Variants in IKZF3 observed in about 807,000 individuals in gnomAD.
IKZF3 encodes zinc finger protein Aiolos.
IKZF3 carries 10 observed loss-of-function variants against 49.0 expected under a neutral mutation model. The observed-to-expected ratio is 0.20, with a 90% CI of 0.13 to 0.35. The LOEUF (loss-of-function observed/expected upper bound fraction) is 0.35. Among genes scored for constraint, IKZF3 ranks in the 10% least tolerant of loss-of-function variants. The pLI, the probability that IKZF3 is intolerant of heterozygous loss-of-function variation, is 1.00. For missense variants in IKZF3, 498 were observed against 664.8 expected, an observed-to-expected ratio of 0.75 and a Z score of 2.76; for synonymous variants, 209 against 228.2, an observed-to-expected ratio of 0.92 and a Z score of 0.76.
intron 3 of IKZF3, among the ~76,000 whole-genome samples, chr17:39,797,031 G>C (rs1407930380): frequency 1.3e-5 from 2 of 151,628 alleles, no homozygotes; most frequent in African/African-American, 2.4e-5. Flanking sequence ...CAGGCGTGGT[G>C]GTGTGCGCCT....
At chr17:39,853,851 A>C (rs9907498) in intron 1 of IKZF3, among the ~76,000 whole-genome samples, 3 of 149,544 alleles carry the variant, frequency 2.0e-5, no homozygotes, top group African/African-American at 7.4e-5. Context: ...AAAAAAAGGA[A>C]GAACACGGTG....
At position 39,858,873 on chromosome 17, in the gene IKZF3, C is replaced by A. The variant is rs528061309; in HGVS notation, c.7+5247G>T. Among the ~76,000 whole-genome samples, 3 of 152,004 alleles carry A rather than the reference C, an allele frequency of 2.0e-5. No homozygotes were observed. In the East Asian group the frequency reaches 5.8e-4, roughly 29 times the overall value. On this transcript the variant is annotated intron_variant, in intron 1 of 7. Coordinates refer to ENST00000346872, the MANE Select transcript of IKZF3 (RefSeq NM_012481.5). ...TGGAGTGCAGTGGCGTCATTACAGC[C>A]CACTGAAGCCTCAAACTCCCAGGTC...
At chr17:39,794,413 G>A (rs4239224) in intron 3 of IKZF3, among the ~76,000 whole-genome samples, 152,162 of 152,378 alleles carry the variant, frequency 1, 75,974 homozygotes, top group Middle Eastern at 1. Context: ...TCCTCTTGCT[G>A]CATAGGAGGA....
chr17:39,797,558 G>A (rs372904259), intron 3 of IKZF3, among the ~76,000 whole-genome samples: 12 of 151,962 alleles, frequency 7.9e-5, no homozygotes, highest in Admixed American at 3.3e-4. Context: ...GAGTAGCTGG[G>A]ACTATAGGCA....
chr17:39,815,601 A>C (rs1046670052), intron 3 of IKZF3, among the ~76,000 whole-genome samples: 1 of 152,202 alleles, frequency 6.6e-6, no homozygotes, highest in African/African-American at 2.4e-5. Flanking sequence ...TTTTAGATCC[A>C]AGTAGAAGGT....
At chr17:39,807,544 A>ATTTTTTTT (rs890371023) in intron 3 of IKZF3, among the ~76,000 whole-genome samples, 36 of 80,784 alleles carry the variant, frequency 4.5e-4, no homozygotes, top group South Asian at 1.2e-3. Context: ...GACTATTTAA[A>ATTTTTTTT]TTTTTTTTTT....
chr17:39,766,416 G>C lies in IKZF3; in HGVS notation c.904C>G (p.Arg302Gly). 1 of 1,614,070 alleles carries C rather than the reference G, an allele frequency of 6.2e-7. No homozygotes were observed. Among genetic ancestry groups the C allele is most frequent in the Non-Finnish European group, 8.5e-7 (1 of 1,179,992 alleles). Residue 302 changes from arginine (R) to glycine (G), a missense_variant, in exon 8 of 8, where the codon CGC becomes GGC. By Grantham distance (125) the Arg-to-Gly change is moderately radical. Transcript: ENST00000346872. ...TTATTGATGGCTTGGTCCATCATGC[G>C]GGTCTGTATGAGCTCACTCTCTTTC... ...YEKESELIQT[R>G]MMDQAINNAI...
Position 39,829,498 on chromosome 17 carries a change from A to G in IKZF3, c.62-10T>C. 1.3e-6 allele frequency: 2 copies of G among 1,591,664 alleles called. No homozygotes were observed. The highest frequency in any genetic ancestry group is 1.7e-6 in the Non-Finnish European group (2 of 1,159,788). On this transcript the variant is annotated splice_polypyrimidine_tract_variant and intron_variant, in intron 2 of 7. Coordinates refer to ENST00000346872, the MANE Select transcript of IKZF3 (RefSeq NM_012481.5). ...AAAACCGCTGCACTTTCTAAAAGAT[A>G]AAAGGAATTTTAAGTATGTGGTTCA...
chr17:39,829,200 T>G (rs2062036875), intron 3 of IKZF3, among the ~76,000 whole-genome samples, 187 bp downstream of exon 3: 1 of 152,194 alleles, frequency 6.6e-6, no homozygotes, highest in Non-Finnish European at 1.5e-5. Flanking sequence ...GATAAGCACC[T>G]TAAATTCTCA....
At position 39,758,870 on chromosome 17, in the gene IKZF3, AT is replaced by A. The variant is rs1315050024; in HGVS notation, c.*6919del. The A allele has an allele frequency of 6.8e-6, 1 of 146,968 alleles. No individual in the cohort carries two copies. The highest frequency in any genetic ancestry group is 2.5e-5 in the African/African-American group (1 of 39,310). The allele number at this position is 146,968 out of a possible 1,614,324, so 9.1% of individuals were successfully genotyped here. On this transcript the variant is annotated 3_prime_UTR_variant, in exon 8 of 8. Transcript: ENST00000346872. ...TTATGATCTAGTATGATCTTGGGAT[AT>A]TTTTCATGTCTTTAAATTTAGGACA...
At chr17:39,829,887 G>A (rs1489456745) in intron 2 of IKZF3, among the ~76,000 whole-genome samples, 1 of 152,078 alleles carries the variant, frequency 6.6e-6, no homozygotes, top group Non-Finnish European at 1.5e-5. Flanking sequence ...GGGAGGTGGA[G>A]GTTGCAGTGA....
At chr17:39,797,972 A>C (rs2061213967) in intron 3 of IKZF3, among the ~76,000 whole-genome samples, 1 of 151,954 alleles carries the variant, frequency 6.6e-6, no homozygotes. Context: ...TCTATTTCTG[A>C]AGGCTTCCTA....
chr17:39,777,826 A>G, intron 6 of IKZF3, 59 bp from the exon 7 acceptor site: 1 of 1,586,364 alleles, frequency 6.3e-7, no homozygotes, highest in Non-Finnish European at 8.6e-7. Flanking sequence ...ATGGGGAGAA[A>G]AGGAAATAAA....
intron 3 of IKZF3, among the ~76,000 whole-genome samples, chr17:39,804,159 C>T (rs778211286): frequency 3.3e-5 from 5 of 152,080 alleles, no homozygotes; most frequent in Non-Finnish European, 5.9e-5. Context: ...AATGAATGGG[C>T]CGGGTGTGGT....
intron 7 of IKZF3, among the ~76,000 whole-genome samples, chr17:39,770,284 C>T (rs1340775718): frequency 6.6e-6 from 1 of 152,180 alleles, no homozygotes; most frequent in African/African-American, 2.4e-5. Flanking sequence ...CAAAATCACA[C>T]CACGCCTTTG....
chr17:39,826,587 T>C (rs1476276152), intron 3 of IKZF3, among the ~76,000 whole-genome samples: 1 of 152,180 alleles, frequency 6.6e-6, no homozygotes, highest in Non-Finnish European at 1.5e-5. Context: ...AAAGGGACTC[T>C]CATATGGGAC....
At position 39,864,148 on chromosome 17, in the gene IKZF3, A is replaced by G. The variant is rs1304105155; in HGVS notation, c.-22T>C. On this transcript the variant is annotated 5_prime_UTR_variant, in exon 1 of 8. Coordinates refer to ENST00000346872, the MANE Select transcript of IKZF3 (RefSeq NM_012481.5). Reference sequence around the variant, plus strand: ...CCATGTCGCTGCCGGGCCGGGCTGGAGCTGCCGCTGTGGCTACTCGGCCTC... The same window carrying G: ...CCATGTCGCTGCCGGGCCGGGCTGGGGCTGCCGCTGTGGCTACTCGGCCTC... The G allele has an allele frequency of 6.2e-7, 1 of 1,611,608 alleles. No homozygotes were observed. The highest frequency in any genetic ancestry group is 8.5e-7 in the Non-Finnish European group (1 of 1,179,172).
At chr17:39,863,087 C>T (rs559005390) in intron 1 of IKZF3, among the ~76,000 whole-genome samples, 1 of 151,974 alleles carries the variant, frequency 6.6e-6, no homozygotes, top group East Asian at 1.9e-4. Flanking sequence ...ATACAACAGC[C>T]CAACTTTTTT....
intron 3 of IKZF3, among the ~76,000 whole-genome samples, chr17:39,798,136 C>T (rs2061219883): frequency 6.6e-6 from 1 of 152,132 alleles, no homozygotes; most frequent in Admixed American, 6.6e-5. Context: ...TTACCTAATT[C>T]TCAGACCCTA....
Sources: allele counts gnomAD v4.1 joint callset (sites outside exome capture counted in the v4.1 genomes callset), GRCh38; gene constraint gnomAD v4.1.1; transcripts MANE v1.5; gene names NCBI Gene and HGNC (gene_info 2026-07-23, HGNC 2026-07-21).